Variants in TENM3 observed in about 807,000 individuals in gnomAD.
TENM3 encodes the protein teneurin transmembrane protein 3.
TENM3 carries 63 observed loss-of-function variants against 255.1 expected under a neutral mutation model. The observed-to-expected ratio is 0.25, with a 90% CI of 0.20 to 0.30. The LOEUF (loss-of-function observed/expected upper bound fraction) is 0.30. Ranked by LOEUF, TENM3 falls within the 10% of genes least tolerant of loss-of-function variation. The pLI is 1.00. For missense variants in TENM3, 2,929 were observed against 3,461.1 expected, an observed-to-expected ratio of 0.85 and a Z score of 3.86; for synonymous variants, 1,306 against 1,322.3, an observed-to-expected ratio of 0.99 and a Z score of 0.27.
At chr4:181,790,976 T>A in the TENM3 span, among the ~76,000 whole-genome samples, 7 of 152,176 alleles carry the variant, frequency 4.6e-5, no homozygotes, top group Admixed American at 1.3e-4. Flanking sequence ...AGAGTCTAGT[T>A]GTGGGCAAAA....
At chr4:182,428,398 T>G (rs966673957) in intron 3 of TENM3, among the ~76,000 whole-genome samples, 1 of 152,096 alleles carries the variant, frequency 6.6e-6, no homozygotes, top group Non-Finnish European at 1.5e-5. Flanking sequence ...CTAGTTCCCA[T>G]GTGCTTTGCT....
rs1211930417 is a variant in TENM3 at position 182,667,175 on chromosome 4, T to TTTTGC, written c.1112-5826_1112-5825insCTTTG. The stretch of plus-strand genomic sequence containing the variant: ...CTCATTGAAATCAAAGTTACCATTT[T>TTTTGC]TTTGTTTTGTTTTGTTTTGTTTTGT... On this transcript the variant is annotated intron_variant, in intron 6 of 27. Transcript: ENST00000511685. 3.5e-4 allele frequency among the ~76,000 whole-genome samples: 6 copies of TTTTGC among 17,312 alleles called. No homozygotes were observed. The South Asian group carries it at 0.023, about 65-fold the overall frequency. 11.4% of individuals were successfully genotyped at this position (17,312 alleles called of 152,430 possible).
intron 1 of TENM3, among the ~76,000 whole-genome samples, chr4:182,167,217 A>G (rs1751777739): frequency 6.6e-6 from 1 of 152,228 alleles, no homozygotes. Context: ...TAAAATCAGA[A>G]AGCTTGAGAG....
chr4:182,428,282 A>G (rs1771380531), intron 3 of TENM3, among the ~76,000 whole-genome samples: 1 of 152,186 alleles, frequency 6.6e-6, no homozygotes, highest in African/African-American at 2.4e-5. Flanking sequence ...CCATTTCAGT[A>G]GACCTGGAAG....
chr4:182,470,697 G>A (rs574459134), intron 3 of TENM3, among the ~76,000 whole-genome samples: 1 of 152,212 alleles, frequency 6.6e-6, no homozygotes. Flanking sequence ...ATTTGTGTCA[G>A]TTAGGGTGTA....
At chr4:181,642,060 A>G in the TENM3 span, among the ~76,000 whole-genome samples, 6 of 151,644 alleles carry the variant, frequency 4.0e-5, no homozygotes, top group African/African-American at 1.5e-4. Flanking sequence ...GTTTTTCACA[A>G]TGATTGAACT....
chr4:182,119,034 C>T, the TENM3 span, among the ~76,000 whole-genome samples: 1 of 152,110 alleles, frequency 6.6e-6, no homozygotes, highest in Non-Finnish European at 1.5e-5. Context: ...GGGTCTCAGT[C>T]TTTCAGTAAG....
At chr4:182,740,452 A>G (rs1266151230) in intron 18 of TENM3, among the ~76,000 whole-genome samples, 1 of 152,244 alleles carries the variant, frequency 6.6e-6, no homozygotes, top group East Asian at 1.9e-4. Flanking sequence ...GCTGCTCTTG[A>G]TGAAATTGTG....
the TENM3 span, among the ~76,000 whole-genome samples, chr4:182,001,614 G>T: frequency 1.3e-5 from 2 of 152,018 alleles, no homozygotes; most frequent in Admixed American, 1.3e-4. Context: ...TACTACTTTT[G>T]CTGCATAGTT....
intron 3 of TENM3, among the ~76,000 whole-genome samples, chr4:182,506,161 A>G (rs1224406480): frequency 6.6e-6 from 1 of 152,216 alleles, no homozygotes; most frequent in African/African-American, 2.4e-5. Context: ...ATAGTTACTT[A>G]CCATCGGCTT....
the TENM3 span, among the ~76,000 whole-genome samples, chr4:182,138,049 C>A: frequency 1.3e-5 from 2 of 152,182 alleles, no homozygotes; most frequent in Admixed American, 1.3e-4. Context: ...TTAATTAAAT[C>A]TTCATGATGA....
intron 3 of TENM3, among the ~76,000 whole-genome samples, chr4:182,546,563 AGTGCTGGGAGTACAGGCATGAGCCACT>A (rs1741471180): frequency 6.6e-6 from 1 of 152,106 alleles, no homozygotes; most frequent in African/African-American, 2.4e-5. Flanking sequence ...GGCCTCCCAA[AGTGCTGGGAGTACAGGCATGAGCCACT>A]GTGCCTGGCT....
rs531669649 is a variant in TENM3, at chr4:182,774,474, C to A, written c.5069-444C>A. Among the ~76,000 whole-genome samples, 5 of 152,212 alleles carry A rather than the reference C, an allele frequency of 3.3e-5. No homozygotes were observed. In the South Asian group the frequency reaches 6.2e-4, roughly 19 times the overall value. ...AACATTGCTTTCTATTTTTGGTATT[C>A]AAGATATAGATATTAATCCTTTCAA... is the stretch of plus-strand genomic sequence containing the variant. On this transcript the variant is annotated intron_variant, in intron 23 of 27. Transcript: ENST00000511685.
the TENM3 span, among the ~76,000 whole-genome samples, chr4:182,053,539 G>A: frequency 2.6e-5 from 4 of 152,142 alleles, no homozygotes; most frequent in Admixed American, 1.3e-4. Context: ...GGGGTCCACA[G>A]TGGCACTAAT....
chr4:182,548,756 G>C (rs1741710230), intron 3 of TENM3: 1 of 151,838 alleles, frequency 6.6e-6, no homozygotes. Context: ...TGCAAAGACA[G>C]TCTTGGGATC....
At chr4:181,957,626 T>A in the TENM3 span, among the ~76,000 whole-genome samples, 2 of 152,188 alleles carry the variant, frequency 1.3e-5, no homozygotes, top group Non-Finnish European at 2.9e-5. Context: ...TGTGAACTAC[T>A]GTAATTTACA....
At chr4:181,573,613 T>C in the TENM3 span, among the ~76,000 whole-genome samples, 2 of 152,260 alleles carry the variant, frequency 1.3e-5, no homozygotes, top group African/African-American at 4.8e-5. Flanking sequence ...AAGGCTAATA[T>C]AGTGTCACCT....
the TENM3 span, among the ~76,000 whole-genome samples, chr4:181,996,213 G>C: frequency 6.6e-6 from 1 of 151,184 alleles, no homozygotes; most frequent in African/African-American, 2.4e-5. Context: ...GGGGAGGAAA[G>C]ACAAGCACAG....
chr4:181,485,905 T>G, the TENM3 span, among the ~76,000 whole-genome samples: 1 of 152,152 alleles, frequency 6.6e-6, no homozygotes, highest in African/African-American at 2.4e-5. Flanking sequence ...AATGCAAAGA[T>G]TTCTCATTTC....
Sources: gnomAD v4.1 joint callset for allele counts (sites outside exome capture counted in the v4.1 genomes callset) on GRCh38, gnomAD v4.1.1 for gene constraint, MANE v1.5 for transcripts, NCBI Gene and HGNC (gene_info 2026-07-23, HGNC 2026-07-21) for gene names.